The following SPECC1 variants were observed in gnomAD, a reference collection of about 807,000 sequenced individuals.
SPECC1 encodes the protein cytospin-B.
SPECC1 carries 62 observed loss-of-function variants against 104.1 expected under a neutral mutation model. That is an observed-to-expected ratio of 0.60 (90% CI 0.49 to 0.74). The LOEUF (loss-of-function observed/expected upper bound fraction) is 0.74, where lower values mean the gene tolerates loss of function less well. Among genes scored for constraint, SPECC1 ranks in the 30% least tolerant of loss-of-function variants. The probability of loss-of-function intolerance (pLI) is 0.00; values close to 1 mark genes in which losing one functional copy is unlikely to be tolerated. For missense variants in SPECC1, 1,306 were observed against 1,310.5 expected, an observed-to-expected ratio of 1.00 and a Z score of 0.05; for synonymous variants, 513 against 501.6, an observed-to-expected ratio of 1.02 and a Z score of -0.30.
rs1567966599 is a variant in SPECC1, at chr17:20,231,840, C to CGG, written c.2145+11_2145+12dup. ...TGACCAAGCAGATGAAGGTGAGATG[C>CGG]GGGTGGGAGCCTTCACCACCATCTT... is the stretch of plus-strand genomic sequence containing the variant. On this transcript the variant is annotated intron_variant, in intron 6 of 14. Coordinates refer to ENST00000395527, the MANE Select transcript of SPECC1 (RefSeq NM_001243439.2). The CGG allele has an allele frequency of 6.2e-7, 1 of 1,613,602 alleles. No individual in the cohort carries two copies. Among genetic ancestry groups the CGG allele is most frequent in the Non-Finnish European group, 8.5e-7 (1 of 1,179,590 alleles).
intron 1 of SPECC1, among the ~76,000 whole-genome samples, chr17:20,083,454 T>TA (rs752575574): frequency 1.8e-4 from 28 of 152,224 alleles, no homozygotes; most frequent in Non-Finnish European, 2.8e-4. Context: ...ATCTGGGACT[T>TA]AAAGATGGGT....
intron 10 of SPECC1, among the ~76,000 whole-genome samples, chr17:20,254,267 C>T (rs1469543200): frequency 2.0e-5 from 3 of 151,698 alleles, no homozygotes; most frequent in Non-Finnish European, 2.9e-5. Flanking sequence ...ATTTGCGTGG[C>T]GTCATATTTC....
chr17:20,129,513 A>G (rs907094778), intron 3 of SPECC1, among the ~76,000 whole-genome samples: 1 of 150,818 alleles, frequency 6.6e-6, no homozygotes, highest in African/African-American at 2.4e-5. Flanking sequence ...TTAGCTGTTG[A>G]ATTTTGTGAG....
At chr17:20,132,555 CT>C (rs148375212) in intron 3 of SPECC1, among the ~76,000 whole-genome samples, 61 of 138,202 alleles carry the variant, frequency 4.4e-4, no homozygotes, top group East Asian at 1.9e-3. Flanking sequence ...TTTTTTTTGG[CT>C]TTTTTTTTTG....
At position 20,023,809 on chromosome 17, in the gene SPECC1, TA is replaced by T. The variant is rs71245395; in HGVS notation, c.-22+14397del. Among the ~76,000 whole-genome samples the T allele has an allele frequency of 5.7e-3, 769 of 135,204 alleles. 6 individuals are homozygous for T. Among genetic ancestry groups the T allele is most frequent in the African/African-American group, 0.019 (675 of 35,586 alleles). 88.7% of individuals were successfully genotyped at this position (135,204 alleles called of 152,430 possible). On this transcript the variant is annotated intron_variant, in intron 1 of 14. Coordinates refer to ENST00000395527, the MANE Select transcript of SPECC1 (RefSeq NM_001243439.2). ...TATGCTATTCAAATGTGGCAGAAAA[TA>T]AAAAAAAAAAACATGGAAAGCATCT...
intron 3 of SPECC1, among the ~76,000 whole-genome samples, chr17:20,156,747 G>T (rs1343454636): frequency 2.6e-5 from 4 of 152,154 alleles, no homozygotes; most frequent in African/African-American, 9.7e-5. Context: ...TGGTTATCCC[G>T]TTTTTACTTC....
intron 13 of SPECC1, among the ~76,000 whole-genome samples, chr17:20,302,567 A>G (rs780919505): frequency 2.0e-5 from 3 of 150,894 alleles, no homozygotes; most frequent in African/African-American, 4.9e-5. Flanking sequence ...TGAATAAAAA[A>G]CCACCCCCTC....
intron 4 of SPECC1, among the ~76,000 whole-genome samples, chr17:20,223,021 G>C (rs1438732526): frequency 6.6e-6 from 1 of 151,676 alleles, no homozygotes. Flanking sequence ...TGTCTTACTT[G>C]GGCAAAGTCT....
chr17:20,254,665 TAAA>T (rs1347202614), intron 10 of SPECC1, among the ~76,000 whole-genome samples: 1 of 151,992 alleles, frequency 6.6e-6, no homozygotes, highest in East Asian at 1.9e-4. Flanking sequence ...TGTTAGGAAA[TAAA>T]AAAGGCAAAA....
At chr17:20,017,697 T>A (rs188827409) in intron 1 of SPECC1, 5 of 152,356 alleles carry the variant, frequency 3.3e-5, no homozygotes, top group Non-Finnish European at 7.3e-5. Flanking sequence ...CCATTTCTCC[T>A]TTTTTGCACA....
intron 3 of SPECC1, among the ~76,000 whole-genome samples, chr17:20,153,232 T>A (rs1217749699): frequency 6.6e-6 from 1 of 152,148 alleles, no homozygotes; most frequent in Non-Finnish European, 1.5e-5. Flanking sequence ...ATAGGGTGTG[T>A]TCAGGGAGCT....
intron 11 of SPECC1, among the ~76,000 whole-genome samples, chr17:20,258,576 C>G (rs1157569717): frequency 1.3e-5 from 2 of 152,198 alleles, no homozygotes; most frequent in Non-Finnish European, 2.9e-5. Flanking sequence ...TCTAGATGCC[C>G]CACAACTTAG....
chr17:20,139,830 A>G (rs1382310420), intron 3 of SPECC1, among the ~76,000 whole-genome samples: 2 of 152,028 alleles, frequency 1.3e-5, no homozygotes, highest in Non-Finnish European at 2.9e-5. Context: ...GCCCATCACC[A>G]CGCCTGGCTA....
rs2043987098 is a variant in SPECC1, at chr17:20,012,784, G to C, written c.-22+3360G>C. 4.0e-5 allele frequency among the ~76,000 whole-genome samples: 6 copies of C among 151,854 alleles called. No individual in the cohort carries two copies. The South Asian group carries it at 1.2e-3, about 32-fold the overall frequency. The stretch of plus-strand genomic sequence containing the variant: ...TAAGTTTACAGTTCCCCAGTGTTAA[G>C]TGTGTGCACATTGTTATGCAACCAA... On this transcript the variant is annotated intron_variant, in intron 1 of 14. Coordinates refer to ENST00000395527, the MANE Select transcript of SPECC1 (RefSeq NM_001243439.2).
intron 3 of SPECC1, chr17:20,156,026 A>AGCAGCGGCTCCGCCG: frequency 2.3e-6 from 3 of 1,283,884 alleles, no homozygotes; most frequent in Non-Finnish European, 3.0e-6. Flanking sequence ...GGCGCGGGAG[A>AGCAGCGGCTCCGCCG]GCAGCGGCTC....
intron 3 of SPECC1, among the ~76,000 whole-genome samples, chr17:20,192,708 A>G (rs552960839): frequency 9.9e-5 from 15 of 152,258 alleles, no homozygotes; most frequent in Admixed American, 9.8e-4. Flanking sequence ...GGATGACAGT[A>G]TTCATATGTT....
chr17:20,205,800 T>C lies in SPECC1; in HGVS notation c.1751T>C (p.Leu584Ser). 1 of 1,614,176 alleles carries C rather than the reference T, an allele frequency of 6.2e-7. No individual in the cohort carries two copies. Among genetic ancestry groups the C allele is most frequent in the Non-Finnish European group, 8.5e-7 (1 of 1,180,010 alleles). ...TAESCEVQEM[L>S]KVARAEKDLL... Reference sequence around the variant, plus strand: ...GAGAGCTGCGAAGTTCAAGAAATGTTGAAAGTAGCCCGAGCAGAGAAAGAT... The same window carrying C: ...GAGAGCTGCGAAGTTCAAGAAATGTCGAAAGTAGCCCGAGCAGAGAAAGAT... The change falls in exon 4 of 15, where the codon TTG (leucine) becomes TCG (serine). Residue 584 changes from leucine to serine, a missense_variant. Physicochemically the swap from Leu to Ser is moderately radical, Grantham distance 145 (BLOSUM62 -2). Coordinates refer to ENST00000395527, the MANE Select transcript of SPECC1 (RefSeq NM_001243439.2).
At chr17:20,120,961 G>GA (rs2048998244) in intron 3 of SPECC1, among the ~76,000 whole-genome samples, 1 of 152,192 alleles carries the variant, frequency 6.6e-6, no homozygotes, top group Non-Finnish European at 1.5e-5. Flanking sequence ...GGAACTGCTT[G>GA]AATGGGGAGG....
chr17:20,074,441 A>C (rs1371333771), intron 1 of SPECC1, among the ~76,000 whole-genome samples: 1 of 152,154 alleles, frequency 6.6e-6, no homozygotes, highest in Non-Finnish European at 1.5e-5. Flanking sequence ...AGATACCTTA[A>C]AATCTCTCTT....
Sources: allele counts gnomAD v4.1 joint callset (sites outside exome capture counted in the v4.1 genomes callset), GRCh38; gene constraint gnomAD v4.1.1; transcripts MANE v1.5; gene names NCBI Gene and HGNC (gene_info 2026-07-23, HGNC 2026-07-21).